EFCAB6: variants seen among roughly 807,000 people sequenced by gnomAD.
EFCAB6 encodes EF-hand calcium-binding domain-containing protein 6.
In EFCAB6, 156 loss-of-function variants were observed where a neutral mutation model predicts 169.8. The observed-to-expected ratio is 0.92, with a 90% CI of 0.81 to 1.05. EFCAB6 has a LOEUF of 1.05. Ranked by LOEUF, EFCAB6 falls within the 50% of genes least tolerant of loss-of-function variation. EFCAB6 has a pLI of 0.00. For missense variants in EFCAB6, 1,800 were observed against 1,829.1 expected (o/e 0.98, Z 0.29); for synonymous variants, 698 against 676.4 (o/e 1.03, Z -0.50).
In EFCAB6 at chr22:43,625,746, T is replaced by G. The variant is rs549013881; in HGVS notation, c.2465+701A>C. 3.9e-5 allele frequency among the ~76,000 whole-genome samples: 6 copies of G among 152,314 alleles called. No individual in the cohort carries two copies. In the South Asian group the frequency reaches 1.0e-3, roughly 26 times the overall value. ...CAGATAGCTTCTCAGTGCCCATCAATTACTACAAGACGGTCTGCATTCCCC... is the reference window on the plus strand; with the variant it reads ...CAGATAGCTTCTCAGTGCCCATCAAGTACTACAAGACGGTCTGCATTCCCC... On this transcript the variant is annotated intron_variant, in intron 20 of 31. Transcript: ENST00000262726.
At chr22:43,755,898 C>G in intron 5 of EFCAB6, 66 bp from the exon 6 acceptor site, 2 of 1,361,738 alleles carry the variant, frequency 1.5e-6, no homozygotes, top group African/African-American at 1.5e-5. Context: ...ATAGGATATG[C>G]AGAGATCAAA....
At chr22:43,653,913 G>T (rs1252918212) in intron 17 of EFCAB6, among the ~76,000 whole-genome samples, 1 of 152,038 alleles carries the variant, frequency 6.6e-6, no homozygotes, top group Non-Finnish European at 1.5e-5. Context: ...AGTAGGTAAA[G>T]TAAGTAGGAA....
intron 2 of EFCAB6, among the ~76,000 whole-genome samples, chr22:43,799,853 T>C (rs936836693): frequency 3.9e-5 from 6 of 152,126 alleles, no homozygotes; most frequent in African/African-American, 1.2e-4. Context: ...CCTCCCCCCA[T>C]TCTGCCTGGC....
chr22:43,609,561 T>C (rs560468395), intron 21 of EFCAB6, among the ~76,000 whole-genome samples: 1 of 152,018 alleles, frequency 6.6e-6, no homozygotes, highest in East Asian at 1.9e-4. Context: ...ACAAAAGGAA[T>C]CAAAAATAGA....
chr22:43,556,025 C>A (rs148920787), intron 26 of EFCAB6, among the ~76,000 whole-genome samples: 3 of 152,300 alleles, frequency 2.0e-5, no homozygotes, highest in African/African-American at 7.2e-5. Context: ...AGGGAAGAGC[C>A]AGCAAGGGAA....
At chr22:43,621,053 A>T (rs1292125733) in intron 20 of EFCAB6, among the ~76,000 whole-genome samples, 2 of 152,044 alleles carry the variant, frequency 1.3e-5, no homozygotes, top group Non-Finnish European at 2.9e-5. Flanking sequence ...GAATTAAACT[A>T]GAATCAATAA....
At chr22:43,548,539 C>CAAAAAAAAAAAA (rs397868076) in intron 27 of EFCAB6, among the ~76,000 whole-genome samples, 4 of 36,750 alleles carry the variant, frequency 1.1e-4, no homozygotes, top group African/African-American at 2.2e-4. Context: ...GAATCCATCT[C>CAAAAAAAAAAAA]AAAAAAAAAA....
At chr22:43,608,380 GC>G (rs1326325476) in intron 22 of EFCAB6, 101 bp downstream of exon 22, 5 of 943,672 alleles carry the variant, frequency 5.3e-6, no homozygotes, top group Middle Eastern at 2.4e-4. Flanking sequence ...AATACTCCCA[GC>G]CCCCAGTTAC....
At chr22:43,669,242 C>A (rs1255110967) in intron 15 of EFCAB6, among the ~76,000 whole-genome samples, 197 bp from the exon 16 acceptor site, 1 of 152,184 alleles carries the variant, frequency 6.6e-6, no homozygotes, top group East Asian at 1.9e-4. Context: ...CAAATATATA[C>A]AGCTTTATTT....
intron 26 of EFCAB6, among the ~76,000 whole-genome samples, chr22:43,557,161 C>T (rs538705707): frequency 3.9e-5 from 6 of 152,326 alleles, no homozygotes; most frequent in East Asian, 3.9e-4. Flanking sequence ...TGCCCCTACC[C>T]GGCTGTGTGC....
intron 17 of EFCAB6, among the ~76,000 whole-genome samples, chr22:43,660,966 G>C (rs759178989): frequency 2.0e-5 from 3 of 152,222 alleles, no homozygotes; most frequent in African/African-American, 4.8e-5. Context: ...AGAAAAGGGA[G>C]AGGGGAAGAG....
chr22:43,784,571 GTACATATACACATA>G lies in EFCAB6; in HGVS notation c.-7-2260_-7-2247del, dbSNP rs1452301272. On this transcript the variant is annotated intron_variant, in intron 2 of 31. Transcript: ENST00000262726. ...TATGTATATATACACATATATATGT[GTACATATACACATA>G]TATATGTATATATACACATATATAT... Among the ~76,000 whole-genome samples the G allele has an allele frequency of 1.5e-3, 94 of 62,634 alleles. 2 individuals are homozygous for G. Among genetic ancestry groups the G allele is most frequent in the African/African-American group, 3.2e-3 (57 of 17,690 alleles). The allele number at this position is 62,634 out of a possible 152,430, so 41.1% of individuals were successfully genotyped here.
At chr22:43,784,531 GTGTGTGTGTGTGTA>G (rs1167767154) in intron 2 of EFCAB6, among the ~76,000 whole-genome samples, 4 of 108,236 alleles carry the variant, frequency 3.7e-5, no homozygotes, top group African/African-American at 1.4e-4. Context: ...GTGTGTGTGT[GTGTGTGTGTGTGTA>G]TATGTATATA....
At chr22:43,743,753 A>C (rs1395794362) in intron 6 of EFCAB6, among the ~76,000 whole-genome samples, 1 of 152,128 alleles carries the variant, frequency 6.6e-6, no homozygotes, top group Non-Finnish European at 1.5e-5. Flanking sequence ...CTCACCCTCC[A>C]CAGCACCATT....
intron 21 of EFCAB6, among the ~76,000 whole-genome samples, chr22:43,609,918 G>C (rs1357360842): frequency 1.3e-5 from 2 of 152,228 alleles, no homozygotes; most frequent in Non-Finnish European, 2.9e-5. Context: ...GTAGGCAGTG[G>C]TGATGCTCAG....
chr22:43,663,794 T>G (rs1279925382), intron 17 of EFCAB6, among the ~76,000 whole-genome samples: 1 of 152,226 alleles, frequency 6.6e-6, no homozygotes, highest in Non-Finnish European at 1.5e-5. Context: ...GCCCTCTTGC[T>G]GCCGTGAGAA....
intron 8 of EFCAB6, among the ~76,000 whole-genome samples, chr22:43,721,211 TGAAA>T (rs2059512417): frequency 6.6e-6 from 1 of 152,146 alleles, no homozygotes; most frequent in South Asian, 2.1e-4. Flanking sequence ...AAAACAGTGC[TGAAA>T]GAAACTAGAG....
chr22:43,555,353 G>T (rs1035851144), intron 26 of EFCAB6, among the ~76,000 whole-genome samples: 4 of 152,200 alleles, frequency 2.6e-5, no homozygotes, highest in Non-Finnish European at 5.9e-5. Flanking sequence ...GGAAGGCTGG[G>T]CGGCCAGCAC....
At chr22:43,770,732 G>A (rs1270555478) in intron 4 of EFCAB6, among the ~76,000 whole-genome samples, 1 of 151,882 alleles carries the variant, frequency 6.6e-6, no homozygotes, top group Non-Finnish European at 1.5e-5. Context: ...GAGCCTCAGG[G>A]GCCAGTGGGA....
Sources: gnomAD v4.1 joint callset for allele counts (sites outside exome capture counted in the v4.1 genomes callset) on GRCh38, gnomAD v4.1.1 for gene constraint, MANE v1.5 for transcripts, NCBI Gene and HGNC (gene_info 2026-07-23, HGNC 2026-07-21) for gene names.